MTHFD2L: variants seen among roughly 807,000 people sequenced by gnomAD.
MTHFD2L encodes the protein bifunctional methylenetetrahydrofolate dehydrogenase/cyclohydrolase 2, mitochondrial.
A neutral mutation model predicts 34.9 loss-of-function variants in MTHFD2L; 29 were observed. The observed-to-expected ratio is 0.83, with a 90% CI of 0.62 to 1.13. The LOEUF (loss-of-function observed/expected upper bound fraction) is 1.13. Ranked by LOEUF, MTHFD2L falls within the 50% of genes most tolerant of loss-of-function variation. The probability of loss-of-function intolerance (pLI) is 0.00; values close to 1 mark genes in which losing one functional copy is unlikely to be tolerated. For synonymous variants in MTHFD2L, 167 were observed against 155.7 expected (o/e 1.07, Z -0.54); for missense variants, 481 against 446.5 (o/e 1.08, Z -0.70).
chr4:74,244,053 CCT>C (rs1742081358), intron 6 of MTHFD2L, among the ~76,000 whole-genome samples: 1 of 152,064 alleles, frequency 6.6e-6, no homozygotes, highest in Admixed American at 6.5e-5. Context: ...AATGCCACTC[CCT>C]GTTTGTTGGG....
chr4:74,149,104 A>T (rs934094013), intron 1 of MTHFD2L, among the ~76,000 whole-genome samples: 2 of 151,828 alleles, frequency 1.3e-5, no homozygotes, highest in African/African-American at 4.8e-5. Context: ...AGACTTTGCC[A>T]TGATTCCAGC....
At chr4:74,244,005 G>A (rs1282955192) in intron 6 of MTHFD2L, among the ~76,000 whole-genome samples, 4 of 152,174 alleles carry the variant, frequency 2.6e-5, no homozygotes, top group African/African-American at 7.2e-5. Flanking sequence ...CTGTTGTTAT[G>A]TGATTATTAC....
At chr4:74,297,183 C>T (rs1250579032) in intron 7 of MTHFD2L, among the ~76,000 whole-genome samples, 1 of 152,028 alleles carries the variant, frequency 6.6e-6, no homozygotes, top group East Asian at 1.9e-4. Context: ...TAACTTTCCT[C>T]AAAACATTCT....
rs370803008 is a variant in MTHFD2L, at chr4:74,281,485, G to A, written c.866G>A (p.Gly289Asp). Residue 289 changes from glycine to aspartate, a missense_variant, in exon 7 of 8, where the codon GGT becomes GAT. Coordinates refer to ENST00000325278, the MANE Select transcript of MTHFD2L (RefSeq NM_001144978.3). ...VKEGAAVIDV[G>D]INYVHDPVTG... is the part of the protein sequence containing the mutation. ...GAAGGTGCTGCTGTAATTGATGTGG[G>A]TATCAACTATGTCCACGATCCAGTG... The A allele has an allele frequency of 1.2e-6, 2 of 1,612,322 alleles. No individual in the cohort carries two copies. The highest frequency in any genetic ancestry group is 1.7e-5 in the Admixed American group (1 of 59,838).
intron 7 of MTHFD2L, among the ~76,000 whole-genome samples, chr4:74,298,145 A>G (rs1041034786): frequency 1.3e-5 from 2 of 152,126 alleles, no homozygotes; most frequent in African/African-American, 4.8e-5. Context: ...GTTTATCTTC[A>G]TATCCATATA....
At chr4:74,176,674 T>C (rs1729111085) in intron 3 of MTHFD2L, among the ~76,000 whole-genome samples, 1 of 152,058 alleles carries the variant, frequency 6.6e-6, no homozygotes, top group Admixed American at 6.6e-5. Context: ...AGCTAGCAGC[T>C]CTTGTATAAT....
chr4:74,212,681 G>A (rs1272119908), intron 5 of MTHFD2L, among the ~76,000 whole-genome samples: 2 of 152,176 alleles, frequency 1.3e-5, no homozygotes, highest in African/African-American at 2.4e-5. Context: ...TTGATCTGGG[G>A]TGGAAAGTTT....
chr4:74,202,929 A>T (rs1288989517), intron 5 of MTHFD2L, among the ~76,000 whole-genome samples: 1 of 152,112 alleles, frequency 6.6e-6, no homozygotes, highest in African/African-American at 2.4e-5. Context: ...CTTATTATTA[A>T]CCTTGTTGAA....
At chr4:74,148,235 T>A (rs1723714831) in intron 1 of MTHFD2L, among the ~76,000 whole-genome samples, 1 of 152,084 alleles carries the variant, frequency 6.6e-6, no homozygotes, top group Non-Finnish European at 1.5e-5. Context: ...TTGTATAGGG[T>A]AGCTTTCTGA....
chr4:74,255,603 G>T (rs1384803683), intron 6 of MTHFD2L, among the ~76,000 whole-genome samples: 3 of 152,124 alleles, frequency 2.0e-5, no homozygotes, highest in Non-Finnish European at 4.4e-5. Context: ...CAGCTAGTGA[G>T]CATAGTACCA....
At chr4:74,247,750 G>GAA (rs1742695223) in intron 6 of MTHFD2L, among the ~76,000 whole-genome samples, 8 of 152,134 alleles carry the variant, frequency 5.3e-5, no homozygotes, top group African/African-American at 1.7e-4. Context: ...TGTGGTTTTT[G>GAA]TCTTTGGTTC....
At chr4:74,115,879 AAC>A (rs1721648346) in intron 2 of MTHFD2L, among the ~76,000 whole-genome samples, 4 of 152,348 alleles carry the variant, frequency 2.6e-5, no homozygotes, top group Admixed American at 2.6e-4. Context: ...ATGCTCTACA[AAC>A]ACAGAAATTC....
chr4:74,259,518 T>G (rs978990366), intron 6 of MTHFD2L, among the ~76,000 whole-genome samples: 5 of 152,190 alleles, frequency 3.3e-5, no homozygotes, highest in African/African-American at 1.2e-4. Flanking sequence ...GGCACAGATC[T>G]GGAGAAATGT....
At position 74,206,654 on chromosome 4, in the gene MTHFD2L, T is replaced by C. The variant is rs554276875; in HGVS notation, c.712+5284T>C. Among the ~76,000 whole-genome samples the C allele has an allele frequency of 2.6e-5, 4 of 152,290 alleles. No individual in the cohort carries two copies. In the South Asian group the frequency reaches 8.3e-4, roughly 32 times the overall value. On this transcript the variant is annotated intron_variant, in intron 5 of 7. Transcript: ENST00000325278. ...GTTAAGCTGCCCAGTTACATTTTTTTTTTTACTTATTTGTATGTAGTCATC... is the reference window on the plus strand; with the variant it reads ...GTTAAGCTGCCCAGTTACATTTTTTCTTTTACTTATTTGTATGTAGTCATC...
At chr4:74,157,336 T>A (rs1724362382), upstream of MTHFD2L, 1 of 258,984 alleles carries the variant, frequency 3.9e-6, no homozygotes. Context: ...GAAAAGTTGT[T>A]TCCTGTTAAC....
intron 6 of MTHFD2L, among the ~76,000 whole-genome samples, chr4:74,261,140 G>T (rs1200950046): frequency 6.6e-6 from 1 of 151,954 alleles, no homozygotes; most frequent in Admixed American, 6.6e-5. Flanking sequence ...CCTGGCTAAT[G>T]CAACAAGTTG....
At chr4:74,235,699 T>C (rs902109740) in intron 6 of MTHFD2L, among the ~76,000 whole-genome samples, 1 of 152,180 alleles carries the variant, frequency 6.6e-6, no homozygotes, top group Non-Finnish European at 1.5e-5. Flanking sequence ...TATGGTTACT[T>C]CTATAACATT....
chr4:74,264,341 G>A (rs1745039711), intron 6 of MTHFD2L, among the ~76,000 whole-genome samples: 2 of 151,796 alleles, frequency 1.3e-5, no homozygotes, highest in African/African-American at 4.8e-5. Context: ...TTATAAATTA[G>A]CAAGCTTACA....
At chr4:74,149,040 G>A (rs1477578055) in intron 1 of MTHFD2L, among the ~76,000 whole-genome samples, 6 of 151,784 alleles carry the variant, frequency 4.0e-5, no homozygotes. Context: ...CTCCCTTGTG[G>A]ACATAGCTTC....
Sources: allele counts gnomAD v4.1 joint callset (sites outside exome capture counted in the v4.1 genomes callset), GRCh38; gene constraint gnomAD v4.1.1; transcripts MANE v1.5; gene names NCBI Gene and HGNC (gene_info 2026-07-23, HGNC 2026-07-21).